The following EDIL3 variants were observed in gnomAD, a reference collection of about 807,000 sequenced individuals.
EDIL3 encodes the protein EGF like and discoidin domains 3.
In EDIL3, 37 loss-of-function variants were observed where a neutral mutation model predicts 67.4. That is an observed-to-expected ratio of 0.55 (90% CI 0.42 to 0.72). EDIL3 has a LOEUF of 0.72. Ranked by LOEUF, EDIL3 falls within the 30% of genes least tolerant of loss-of-function variation. EDIL3 has a pLI of 0.00. For missense variants in EDIL3, 527 were observed against 586.3 expected, an observed-to-expected ratio of 0.90 and a Z score of 1.04; for synonymous variants, 195 against 196.3, an observed-to-expected ratio of 0.99 and a Z score of 0.05.
At chr5:84,037,286 T>C (rs1746038676) in intron 9 of EDIL3, among the ~76,000 whole-genome samples, 1 of 152,186 alleles carries the variant, frequency 6.6e-6, no homozygotes, top group South Asian at 2.1e-4. Flanking sequence ...AAAGCATTAA[T>C]TGGTAACTTT....
rs148009512 is a variant in EDIL3, at chr5:84,031,797, A to G, written c.1137+28503T>C. Among the ~76,000 whole-genome samples the G allele has an allele frequency of 2.3e-3, 354 of 152,344 alleles. 1 individual carries two copies. The highest frequency in any genetic ancestry group is 8.2e-3 in the African/African-American group (340 of 41,586). On this transcript the variant is annotated intron_variant, in intron 9 of 10. Coordinates refer to ENST00000296591, the MANE Select transcript of EDIL3 (RefSeq NM_005711.5). ...GTTATAGCAGCCCAAACTGACAAAG[A>G]CACCAGACAAGCTCTAACTAAAAAT...
At chr5:84,033,993 A>G (rs992253386) in intron 9 of EDIL3, among the ~76,000 whole-genome samples, 1 of 152,204 alleles carries the variant, frequency 6.6e-6, no homozygotes, top group African/African-American at 2.4e-5. Flanking sequence ...GCAGGGCAAG[A>G]TTCTGAGCTC....
rs115888935 is a variant in EDIL3 at position 84,005,502 on chromosome 5, G to A, written c.1138-42142C>T. 7.6e-3 allele frequency among the ~76,000 whole-genome samples: 1,161 copies of A among 152,176 alleles called. 14 individuals are homozygous for A. Among genetic ancestry groups the A allele is most frequent in the African/African-American group, 0.027 (1,111 of 41,536 alleles). ...ACAATCAAGTAGGTCTTATTCCTGGGATACAAGGTTGGTTCAACATACACA... is the reference window on the plus strand; with the variant it reads ...ACAATCAAGTAGGTCTTATTCCTGGAATACAAGGTTGGTTCAACATACACA... On this transcript the variant is annotated intron_variant, in intron 9 of 10. Transcript: ENST00000296591.
chr5:84,177,016 G>A (rs1423473884), intron 4 of EDIL3, among the ~76,000 whole-genome samples: 1 of 152,052 alleles, frequency 6.6e-6, no homozygotes, highest in African/African-American at 2.4e-5. Flanking sequence ...AGCCATGTTG[G>A]AGACCTTTTG....
At chr5:84,378,518 T>C (rs1302602606) in intron 1 of EDIL3, among the ~76,000 whole-genome samples, 2 of 152,208 alleles carry the variant, frequency 1.3e-5, no homozygotes, top group Non-Finnish European at 2.9e-5. Flanking sequence ...TATTACTTCA[T>C]ATGCTTTTCA....
chr5:84,213,057 T>C (rs1744160736), intron 3 of EDIL3, among the ~76,000 whole-genome samples: 1 of 152,054 alleles, frequency 6.6e-6, no homozygotes. Flanking sequence ...TATGCTAATC[T>C]TCCTCTTCTA....
intron 2 of EDIL3, among the ~76,000 whole-genome samples, chr5:84,233,924 G>C (rs536078313): frequency 6.6e-6 from 1 of 152,230 alleles, no homozygotes; most frequent in Admixed American, 6.5e-5. Flanking sequence ...AAAGATTTTA[G>C]AATCTTGATG....
At chr5:84,248,215 A>C (rs1435323985) in intron 2 of EDIL3, among the ~76,000 whole-genome samples, 2 of 152,170 alleles carry the variant, frequency 1.3e-5, no homozygotes, top group African/African-American at 4.8e-5. Context: ...CAGCAAAACT[A>C]ATCTTCCGTA....
intron 1 of EDIL3, among the ~76,000 whole-genome samples, chr5:84,285,065 G>T (rs915044090): frequency 4.6e-5 from 7 of 152,118 alleles, no homozygotes; most frequent in Non-Finnish European, 8.8e-5. Flanking sequence ...AAGTTATTCT[G>T]TGTTAAATAG....
intron 1 of EDIL3, among the ~76,000 whole-genome samples, chr5:84,327,543 TA>T (rs1012963402): frequency 3.9e-5 from 6 of 152,086 alleles, no homozygotes; most frequent in African/African-American, 1.4e-4. Context: ...TAAACCTTTT[TA>T]TAATGTCTTA....
chr5:84,271,098 G>A (rs1350110902), intron 1 of EDIL3, among the ~76,000 whole-genome samples: 1 of 152,086 alleles, frequency 6.6e-6, no homozygotes, highest in Non-Finnish European at 1.5e-5. Flanking sequence ...CTTTCTAAAA[G>A]AAGAGAAATA....
At chr5:84,144,018 T>C (rs747867368) in intron 4 of EDIL3, among the ~76,000 whole-genome samples, 8 of 152,042 alleles carry the variant, frequency 5.3e-5, no homozygotes, top group Non-Finnish European at 8.8e-5. Flanking sequence ...AAAATGAAAT[T>C]AGAGCAATGC....
intron 3 of EDIL3, among the ~76,000 whole-genome samples, chr5:84,198,226 A>G (rs1475478800): frequency 6.6e-6 from 1 of 151,670 alleles, no homozygotes; most frequent in Admixed American, 6.6e-5. Flanking sequence ...GATGTTTTCT[A>G]GTTGTATGTG....
chr5:84,022,048 C>A (rs1245687321), intron 9 of EDIL3, among the ~76,000 whole-genome samples: 2 of 151,844 alleles, frequency 1.3e-5, no homozygotes, highest in African/African-American at 4.8e-5. Context: ...CTAACTAATT[C>A]TATGAGGCAT....
chr5:84,323,024 A>T (rs568906144), intron 1 of EDIL3, among the ~76,000 whole-genome samples: 2 of 152,098 alleles, frequency 1.3e-5, no homozygotes, highest in South Asian at 2.1e-4. Context: ...AACCTGAGGG[A>T]CCTCATCAGG....
At chr5:84,014,652 A>C (rs1326987314) in intron 9 of EDIL3, among the ~76,000 whole-genome samples, 2 of 152,232 alleles carry the variant, frequency 1.3e-5, no homozygotes, top group African/African-American at 4.8e-5. Context: ...TCAAACAAAC[A>C]AACAAACAAA....
At chr5:84,215,071 T>C (rs1183867526) in intron 3 of EDIL3, among the ~76,000 whole-genome samples, 1 of 152,180 alleles carries the variant, frequency 6.6e-6, no homozygotes, top group East Asian at 1.9e-4. Context: ...AAAATCTGTA[T>C]GGCTTAATAT....
intron 6 of EDIL3, among the ~76,000 whole-genome samples, chr5:84,085,234 T>C (rs1747048291): frequency 6.6e-6 from 1 of 152,200 alleles, no homozygotes; most frequent in Non-Finnish European, 1.5e-5. Context: ...AGAGTTGTTG[T>C]GATCATTTAG....
At chr5:84,268,643 A>C (rs1745397998) in intron 1 of EDIL3, among the ~76,000 whole-genome samples, 1 of 152,170 alleles carries the variant, frequency 6.6e-6, no homozygotes, top group Non-Finnish European at 1.5e-5. Flanking sequence ...CCTCTGTTTC[A>C]CTTAGCATCT....
Sources: allele counts gnomAD v4.1 joint callset (sites outside exome capture counted in the v4.1 genomes callset), GRCh38; gene constraint gnomAD v4.1.1; transcripts MANE v1.5; gene names NCBI Gene and HGNC (gene_info 2026-07-23, HGNC 2026-07-21).